MBOAT1: variants seen among roughly 807,000 people sequenced by gnomAD.
The protein encoded by MBOAT1 is membrane-bound glycerophospholipid O-acyltransferase 1.
In MBOAT1, 67 loss-of-function variants were observed where a neutral mutation model predicts 64.4. The observed-to-expected ratio is 1.04, with a 90% CI of 0.85 to 1.27. MBOAT1 has a LOEUF of 1.27. Ranked by LOEUF, MBOAT1 falls within the 50% of genes most tolerant of loss-of-function variation. The probability of loss-of-function intolerance (pLI) is 0.00; values close to 1 mark genes in which losing one functional copy is unlikely to be tolerated. For missense variants in MBOAT1, 563 were observed against 604.6 expected (o/e 0.93, Z 0.72); for synonymous variants, 229 against 218.9 (o/e 1.05, Z -0.41).
intron 8 of MBOAT1, among the ~76,000 whole-genome samples, chr6:20,119,020 C>T (rs1484936540): frequency 6.6e-6 from 1 of 152,108 alleles, no homozygotes; most frequent in Non-Finnish European, 1.5e-5. Context: ...AGTGCTAAAT[C>T]AGGAGGAGAA....
In MBOAT1 at chr6:20,126,542, T is replaced by C. The variant is rs745714146; in HGVS notation, c.689A>G (p.His230Arg). 1.3e-5 allele frequency: 21 copies of C among 1,612,310 alleles called. No homozygotes were observed. The highest frequency in any genetic ancestry group is 1.7e-5 in the Non-Finnish European group (20 of 1,179,646). The change falls in exon 7 of 13, where the codon CAC becomes CGC. Residue 230 changes from histidine to arginine, a missense_variant. Transcript: ENST00000324607. ...LEVNWKRKGF[H>R]SLPEPSPTGA... ...TGTGGGAGAAGGTTCTGGCAAGCTGTGGAAACCTTTTCGCTTCCAGTTCAC... is the reference window on the plus strand; with the variant it reads ...TGTGGGAGAAGGTTCTGGCAAGCTGCGGAAACCTTTTCGCTTCCAGTTCAC...
intron 3 of MBOAT1, among the ~76,000 whole-genome samples, chr6:20,148,000 T>C (rs1761376954): frequency 6.6e-6 from 1 of 152,250 alleles, no homozygotes; most frequent in South Asian, 2.1e-4. Context: ...AGCCATGTTC[T>C]GCTCCAGTTG....
chr6:20,150,770 C>T (rs184997880), intron 3 of MBOAT1, among the ~76,000 whole-genome samples: 153 of 149,872 alleles, frequency 1.0e-3, no homozygotes, highest in African/African-American at 1.3e-3. Context: ...TTAGTAGAGA[C>T]GAGGTTTCAC....
At chr6:20,144,670 TC>T (rs982024412) in intron 3 of MBOAT1, among the ~76,000 whole-genome samples, 1 of 152,258 alleles carries the variant, frequency 6.6e-6, no homozygotes, top group Non-Finnish European at 1.5e-5. Flanking sequence ...GGTCTTGCAC[TC>T]AAGATTCTCC....
At chr6:20,168,573 G>A (rs1472171057) in intron 1 of MBOAT1, among the ~76,000 whole-genome samples, 3,996 of 117,328 alleles carry the variant, frequency 0.034, 131 homozygotes, top group Non-Finnish European at 0.043. Flanking sequence ...GAAAGAGAGA[G>A]AGAGAAAGAG....
intron 12 of MBOAT1, among the ~76,000 whole-genome samples, chr6:20,103,577 G>A (rs1470119472): frequency 2.0e-5 from 3 of 151,894 alleles, no homozygotes; most frequent in Admixed American, 1.3e-4. Context: ...GACTACATGC[G>A]CCACCACGCT....
At chr6:20,196,443 A>AG (rs1034174087) in intron 1 of MBOAT1, among the ~76,000 whole-genome samples, 1 of 152,194 alleles carries the variant, frequency 6.6e-6, no homozygotes, top group African/African-American at 2.4e-5. Context: ...TTGAGGAAGA[A>AG]GGGGGGATAG....
chr6:20,175,295 G>C (rs1357973633), intron 1 of MBOAT1, among the ~76,000 whole-genome samples: 1 of 152,074 alleles, frequency 6.6e-6, no homozygotes, highest in Non-Finnish European at 1.5e-5. Flanking sequence ...CTGTTGCCCA[G>C]GTGGGAGTGC....
chr6:20,203,032 G>A (rs1763165620), intron 1 of MBOAT1, among the ~76,000 whole-genome samples: 1 of 152,112 alleles, frequency 6.6e-6, no homozygotes, highest in Non-Finnish European at 1.5e-5. Context: ...GGCTGGGTGT[G>A]GTGGCTTCCG....
At chr6:20,165,846 T>C (rs372671083) in intron 1 of MBOAT1, among the ~76,000 whole-genome samples, 2 of 151,954 alleles carry the variant, frequency 1.3e-5, no homozygotes, top group South Asian at 2.1e-4. Context: ...GAATGAAACA[T>C]ATAAGAACTG....
At chr6:20,110,271 G>A (rs992191258) in intron 11 of MBOAT1, among the ~76,000 whole-genome samples, 4 of 147,374 alleles carry the variant, frequency 2.7e-5, no homozygotes, top group African/African-American at 5.0e-5. Context: ...GAAGTGCAAC[G>A]ATGCAATCAT....
chr6:20,118,140 A>G (rs1339142617), intron 9 of MBOAT1, among the ~76,000 whole-genome samples: 1 of 152,232 alleles, frequency 6.6e-6, no homozygotes, highest in Non-Finnish European at 1.5e-5. Context: ...GGTACTTTCT[A>G]GTTGAAAGAG....
intron 11 of MBOAT1, among the ~76,000 whole-genome samples, chr6:20,111,105 A>G (rs1203717222): frequency 6.6e-6 from 1 of 152,210 alleles, no homozygotes; most frequent in Non-Finnish European, 1.5e-5. Context: ...AGACTTAGGT[A>G]AAGAGACAAT....
Position 20,144,312 on chromosome 6 carries a change from A to G in MBOAT1, c.327T>C (p.Tyr109=). The change falls in exon 4 of 13, where the codon TAT becomes TAC. Residue 109 remains tyrosine (Y), a synonymous_variant. Transcript: ENST00000324607. ...GATATCCCATTGCTACAAAAAAGGA[A>G]TATCTGAAAGCAAAAACATAGATGA... The part of the protein sequence containing the change: ...VTASVSNIHR[Y]SFFVAMGYLT... The G allele has an allele frequency of 1.2e-6, 2 of 1,603,220 alleles. No homozygotes were observed. Among genetic ancestry groups the G allele is most frequent in the Non-Finnish European group, 1.7e-6 (2 of 1,171,600 alleles).
rs963674387 is a variant in MBOAT1 at position 20,207,048 on chromosome 6, C to T, written c.99+5088G>A. Among the ~76,000 whole-genome samples, 4 of 152,172 alleles carry T rather than the reference C, an allele frequency of 2.6e-5. No individual in the cohort carries two copies. The East Asian group carries it at 7.7e-4, about 29-fold the overall frequency. On this transcript the variant is annotated intron_variant, in intron 1 of 12. Transcript: ENST00000324607. ...CAACCTTCTCTGAAAATTTCTGTTTCACTTTTGTTTCTGAAAGGAGCTGCT... is the reference window on the plus strand; with the variant it reads ...CAACCTTCTCTGAAAATTTCTGTTTTACTTTTGTTTCTGAAAGGAGCTGCT...
At chr6:20,133,302 C>T (rs1022626488) in intron 4 of MBOAT1, among the ~76,000 whole-genome samples, 2 of 152,144 alleles carry the variant, frequency 1.3e-5, no homozygotes, top group Admixed American at 1.3e-4. Flanking sequence ...ACACCATGCT[C>T]TTTTATATTG....
At chr6:20,111,825 C>CATATATAT (rs199620655) in intron 11 of MBOAT1, among the ~76,000 whole-genome samples, 4 of 110,874 alleles carry the variant, frequency 3.6e-5, no homozygotes, top group African/African-American at 1.3e-4. Context: ...CATATATATA[C>CATATATAT]ATATATATAC....
Position 20,157,373 on chromosome 6 carries a change from G to A in MBOAT1, c.100-4604C>T, listed in dbSNP as rs895023387. Among the ~76,000 whole-genome samples, 43 of 152,112 alleles carry A rather than the reference G, an allele frequency of 2.8e-4. 1 individual carries two copies. The highest frequency in any genetic ancestry group is 1.0e-3 in the African/African-American group (42 of 41,406). On this transcript the variant is annotated intron_variant, in intron 1 of 12. Transcript: ENST00000324607. ...AACTAATGAATAAGAGAATATAAAAGTATATGTATAGTTACAACTATGTAA... is the reference window on the plus strand; with the variant it reads ...AACTAATGAATAAGAGAATATAAAAATATATGTATAGTTACAACTATGTAA...
chr6:20,120,215 C>T (rs1399720639), intron 8 of MBOAT1, among the ~76,000 whole-genome samples: 1 of 152,062 alleles, frequency 6.6e-6, no homozygotes, highest in African/African-American at 2.4e-5. Context: ...CGTCTAAAAA[C>T]CTGCTCCCTT....
Sources: allele counts gnomAD v4.1 joint callset (sites outside exome capture counted in the v4.1 genomes callset), GRCh38; gene constraint gnomAD v4.1.1; transcripts MANE v1.5; gene names NCBI Gene and HGNC (gene_info 2026-07-23, HGNC 2026-07-21).